The following SNAP91 variants were observed in gnomAD, a reference collection of about 807,000 sequenced individuals.
The protein encoded by SNAP91 is clathrin coat assembly protein AP180.
SNAP91 carries 27 observed loss-of-function variants against 100.3 expected under a neutral mutation model. The ratio of observed to expected loss-of-function variants is 0.27; its 90% CI spans 0.20 to 0.37. The LOEUF is 0.37. Ranked by LOEUF, SNAP91 falls within the 10% of genes least tolerant of loss-of-function variation. The probability of loss-of-function intolerance (pLI) is 1.00; values close to 1 mark genes in which losing one functional copy is unlikely to be tolerated. For synonymous variants in SNAP91, 404 were observed against 398.6 expected, an observed-to-expected ratio of 1.01 and a Z score of -0.16; for missense variants, 986 against 1,123.7, an observed-to-expected ratio of 0.88 and a Z score of 1.75.
intron 11 of SNAP91, chr6:83,611,367 T>G: frequency 2.5e-6 from 1 of 403,600 alleles, no homozygotes; most frequent in Non-Finnish European, 4.9e-6. Context: ...TAAGTTATAT[T>G]ACTGGTAGCA....
chr6:83,655,238 T>C (rs2098366305), intron 7 of SNAP91, among the ~76,000 whole-genome samples: 2 of 152,166 alleles, frequency 1.3e-5, no homozygotes, highest in African/African-American at 2.4e-5. Flanking sequence ...TTGCACTCTT[T>C]GTAACTAAAA....
intron 11 of SNAP91, 68 bp downstream of exon 11, chr6:83,614,789 T>A (rs2096379689): frequency 2.6e-6 from 3 of 1,153,130 alleles, no homozygotes; most frequent in Non-Finnish European, 3.7e-6. Context: ...AAATGTGGAA[T>A]CTTAAGAGTG....
chr6:83,693,419 C>T (rs1198579458), intron 2 of SNAP91, among the ~76,000 whole-genome samples: 1 of 152,066 alleles, frequency 6.6e-6, no homozygotes. Flanking sequence ...GAATGAGAGA[C>T]TGCTAATGTA....
At position 83,607,774 on chromosome 6, in the gene SNAP91, G is replaced by C; in HGVS notation, c.947C>G (p.Ser316Cys). Residue 316 changes from serine to cysteine, a missense_variant, in exon 13 of 30, where the codon TCT becomes TGT. Ser to Cys is a moderately radical substitution (Grantham distance 112). Around this residue, in one of 4 missense-constraint regions of SNAP91, gnomAD observed 330 missense variants for 447.5 expected, o/e 0.74. Coordinates refer to ENST00000369694, the MANE Select transcript of SNAP91 (RefSeq NM_001242792.2). ...TGTGTCAATAGTTTTAGCTGGTGTA[G>C]AATTAGGAGACGTAACAGTTGTGGC... The part of the protein sequence containing the change: ...SPATTVTSPN[S>C]TPAKTIDTSP... 6.3e-7 allele frequency: 1 copy of C among 1,593,222 alleles called. No homozygotes were observed. Among genetic ancestry groups the C allele is most frequent in the East Asian group, 2.3e-5 (1 of 44,256 alleles).
intron 7 of SNAP91, among the ~76,000 whole-genome samples, chr6:83,645,546 T>C (rs2128594044): frequency 6.6e-6 from 1 of 152,246 alleles, no homozygotes; most frequent in African/African-American, 2.4e-5. Context: ...ACGGAGTATT[T>C]TCACTGTCCT....
chr6:83,636,637 A>G (rs946209990), intron 8 of SNAP91, among the ~76,000 whole-genome samples: 1 of 152,184 alleles, frequency 6.6e-6, no homozygotes, highest in Non-Finnish European at 1.5e-5. Flanking sequence ...TGCCATCCAG[A>G]TTCTGAATTC....
intron 29 of SNAP91, among the ~76,000 whole-genome samples, chr6:83,555,189 T>C (rs1341244370): frequency 6.6e-6 from 1 of 151,608 alleles, no homozygotes; most frequent in East Asian, 1.9e-4. Context: ...GAGATGTTAA[T>C]ACCTTAGAAT....
chr6:83,559,605 G>C (rs1389933439), intron 28 of SNAP91, among the ~76,000 whole-genome samples: 1 of 152,144 alleles, frequency 6.6e-6, no homozygotes, highest in Non-Finnish European at 1.5e-5. Flanking sequence ...GTCTGAAGTG[G>C]GGGTGGTCCT....
intron 2 of SNAP91, chr6:83,689,453 A>G (rs1421086491): frequency 6.6e-6 from 1 of 152,210 alleles, no homozygotes; most frequent in Admixed American, 6.5e-5. Flanking sequence ...TTAGTTGAAT[A>G]TAGCTATGAC....
chr6:83,661,010 G>C (rs544411779), intron 5 of SNAP91, among the ~76,000 whole-genome samples: 1 of 152,040 alleles, frequency 6.6e-6, no homozygotes, highest in South Asian at 2.1e-4. Context: ...TAACTCCTAC[G>C]TTGCCCAGGC....
At chr6:83,668,525 T>C (rs1035387136) in intron 2 of SNAP91, among the ~76,000 whole-genome samples, 21 of 152,136 alleles carry the variant, frequency 1.4e-4, no homozygotes, top group Admixed American at 1.4e-3. Context: ...TTCATGTCCT[T>C]TGTAGGGACA....
At chr6:83,580,314 T>C in intron 24 of SNAP91, 136 bp downstream of exon 24, 1 of 854,700 alleles carries the variant, frequency 1.2e-6, no homozygotes, top group Non-Finnish European at 1.7e-6. Flanking sequence ...AGTATTTCTA[T>C]TCCCTCCCTG....
intron 7 of SNAP91, among the ~76,000 whole-genome samples, chr6:83,653,286 T>C (rs1258585303): frequency 2.0e-5 from 3 of 152,178 alleles, no homozygotes; most frequent in Non-Finnish European, 2.9e-5. Context: ...TAGTTGTTTG[T>C]GTTGTCCCAC....
intron 8 of SNAP91, among the ~76,000 whole-genome samples, chr6:83,635,262 G>GT (rs1207662352): frequency 6.6e-6 from 1 of 152,084 alleles, no homozygotes; most frequent in African/African-American, 2.4e-5. Context: ...TTATTGTTGT[G>GT]TGGCTGTCTG....
chr6:83,558,600 G>GATT (rs1782405263), intron 28 of SNAP91, among the ~76,000 whole-genome samples: 1 of 152,204 alleles, frequency 6.6e-6, no homozygotes, highest in South Asian at 2.1e-4. Flanking sequence ...CAGGTCAATG[G>GATT]ATTTAGAGAT....
intron 3 of SNAP91, 45 bp from the exon 4 acceptor site, chr6:83,662,467 C>G (rs1385934481): frequency 1.3e-6 from 1 of 795,540 alleles, no homozygotes; most frequent in Non-Finnish European, 1.9e-6. Context: ...TAAAATCATA[C>G]TTTTAAACAA....
intron 8 of SNAP91, among the ~76,000 whole-genome samples, chr6:83,624,758 C>A (rs1190869584): frequency 6.6e-6 from 1 of 152,062 alleles, no homozygotes; most frequent in Non-Finnish European, 1.5e-5. Context: ...GGGAGGGAAG[C>A]AAAGTCACTT....
At position 83,678,748 on chromosome 6, in the gene SNAP91, C is replaced by T. The variant is rs187522982; in HGVS notation, c.131-13167G>A. 1,059 of 1,289,568 alleles carry T rather than the reference C, an allele frequency of 8.2e-4. 3 individuals carry two copies. The highest frequency in any genetic ancestry group is 9.9e-4 in the Non-Finnish European group (983 of 988,678). The allele number at this position is 1,289,568 out of a possible 1,614,324, so 79.9% of individuals were successfully genotyped here. A position where few individuals can be genotyped will look rare whatever the true frequency, so the allele number is the denominator to read the frequency against. ...CCTTGGCACCATCTCCCAGCATTAT[C>T]CCACCTCTTTGGCCTTACCAAAGCC... On this transcript the variant is annotated intron_variant, in intron 2 of 29. Coordinates refer to ENST00000369694, the MANE Select transcript of SNAP91 (RefSeq NM_001242792.2).
At chr6:83,679,425 G>A (rs114983575) in intron 2 of SNAP91, among the ~76,000 whole-genome samples, 2,128 of 152,236 alleles carry the variant, frequency 0.014, 58 homozygotes, top group African/African-American at 0.046. Flanking sequence ...GACTACATTT[G>A]CTGATAAGTA....
Sources: gnomAD v4.1 joint callset for allele counts (sites outside exome capture counted in the v4.1 genomes callset) on GRCh38, gnomAD v4.1.1 for gene constraint, gnomAD v4.1.1 regional missense constraint, MANE v1.5 for transcripts, NCBI Gene and HGNC (gene_info 2026-07-23, HGNC 2026-07-21) for gene names.